The following FAM227B variants were observed in gnomAD, a reference collection of about 807,000 sequenced individuals.
The protein encoded by FAM227B is family with sequence similarity 227 member B.
Under a neutral mutation model 73.8 loss-of-function variants are expected in FAM227B, and 88 were observed. That is an observed-to-expected ratio of 1.19 (90% CI 1.00 to 1.42). FAM227B has a LOEUF of 1.42. FAM227B is among the 40% of genes most tolerant of loss of function. The pLI, the probability that FAM227B is intolerant of heterozygous loss-of-function variation, is 0.00. For missense variants in FAM227B, 632 were observed against 590.9 expected (o/e 1.07, Z -0.72); for synonymous variants, 210 against 190.5 (o/e 1.10, Z -0.84).
At chr15:49,538,468 T>C (rs1371194331) in intron 10 of FAM227B, among the ~76,000 whole-genome samples, 1 of 152,154 alleles carries the variant, frequency 6.6e-6, no homozygotes. Flanking sequence ...TCTGGTAGGC[T>C]GAGACTTTGG....
chr15:49,512,095 C>T lies in FAM227B; in HGVS notation c.875-3747G>A, dbSNP rs990636548. Among the ~76,000 whole-genome samples, 9 of 151,982 alleles carry T rather than the reference C, an allele frequency of 5.9e-5. No individual in the cohort carries two copies. In the East Asian group the frequency reaches 9.7e-4, roughly 16 times the overall value. On this transcript the variant is annotated intron_variant, in intron 10 of 15. Coordinates refer to ENST00000299338, the MANE Select transcript of FAM227B (RefSeq NM_152647.3). Reference sequence around the variant, plus strand: ...TCAGTTCTGGGGTACATGTGCAGAACATGCAGGTTTGTTACATAGTTACAC... The same window carrying T: ...TCAGTTCTGGGGTACATGTGCAGAATATGCAGGTTTGTTACATAGTTACAC...
chr15:49,562,349 G>GTAA (rs1379611688), intron 9 of FAM227B, among the ~76,000 whole-genome samples: 2 of 151,808 alleles, frequency 1.3e-5, no homozygotes, highest in Admixed American at 6.6e-5. Flanking sequence ...AGTTAAATCA[G>GTAA]TAATAATAAT....
At chr15:49,460,831 A>G (rs917886506) in intron 11 of FAM227B, among the ~76,000 whole-genome samples, 2 of 152,214 alleles carry the variant, frequency 1.3e-5, no homozygotes, top group Non-Finnish European at 2.9e-5. Context: ...TGAGGCAGAT[A>G]TCAAAGAAGA....
At chr15:49,331,617 G>T (rs1017457844) in intron 15 of FAM227B, 163 bp downstream of exon 15, 1 of 567,970 alleles carries the variant, frequency 1.8e-6, no homozygotes, top group Non-Finnish European at 3.1e-6. Context: ...ATGTAAAACA[G>T]ATTTTCTTAC....
intron 3 of FAM227B, among the ~76,000 whole-genome samples, chr15:49,591,029 G>GTTTTTTTTTTTTTTTTTTTTTTTTTTT (rs71424023): frequency 7.6e-5 from 8 of 105,590 alleles, no homozygotes; most frequent in African/African-American, 1.0e-4. Context: ...TCTTTTTTTT[G>GTTTTTTTTTTTTTTTTTTTTTTTTTTT]TTTTTTTTTT....
intron 11 of FAM227B, among the ~76,000 whole-genome samples, chr15:49,469,926 A>C (rs1452982384): frequency 6.6e-6 from 1 of 152,146 alleles, no homozygotes; most frequent in Non-Finnish European, 1.5e-5. Flanking sequence ...ATCCACATCA[A>C]ACCAAAGAAT....
At chr15:49,591,940 T>C (rs894735316) in intron 3 of FAM227B, among the ~76,000 whole-genome samples, 4 of 152,232 alleles carry the variant, frequency 2.6e-5, no homozygotes, top group Non-Finnish European at 5.9e-5. Flanking sequence ...GTTGATTCCA[T>C]ATCTTTCTTC....
At chr15:49,602,031 T>C (rs1360597357) in intron 3 of FAM227B, among the ~76,000 whole-genome samples, 5 of 152,244 alleles carry the variant, frequency 3.3e-5, no homozygotes, top group South Asian at 2.1e-4. Flanking sequence ...ATTCTCTTTA[T>C]ACATTCATCA....
At chr15:49,372,896 C>G (rs886622510) in intron 11 of FAM227B, among the ~76,000 whole-genome samples, 1 of 151,952 alleles carries the variant, frequency 6.6e-6, no homozygotes, top group African/African-American at 2.4e-5. Context: ...GCTTGAAATA[C>G]TAAAGGCAGG....
rs376238996 is a variant in FAM227B, at chr15:49,540,292, G to C, written c.874+1388C>G. 2.6e-5 allele frequency among the ~76,000 whole-genome samples: 4 copies of C among 152,268 alleles called. No individual in the cohort carries two copies. In the South Asian group the frequency reaches 8.3e-4, roughly 32 times the overall value. ...TTGCAGAGCAGGCCACTGGAGACCAGAGTGGTACCTGCCTCATGACTGATT... is the reference window on the plus strand; with the variant it reads ...TTGCAGAGCAGGCCACTGGAGACCACAGTGGTACCTGCCTCATGACTGATT... On this transcript the variant is annotated intron_variant, in intron 10 of 15. Transcript: ENST00000299338.
In FAM227B at chr15:49,477,725, G is replaced by A. The variant is rs1194849194; in HGVS notation, c.1012+30486C>T. ...ATGACTGCTGGATTATATAGTAAGA[G>A]TATGTTTAGTTTTTAAGAAACTGCC... On this transcript the variant is annotated intron_variant, in intron 11 of 15. Coordinates refer to ENST00000299338, the MANE Select transcript of FAM227B (RefSeq NM_152647.3). 1.3e-5 allele frequency among the ~76,000 whole-genome samples: 2 copies of A among 152,192 alleles called. 1 individual carries two copies.
At chr15:49,611,593 G>C (rs2077922075) in intron 2 of FAM227B, among the ~76,000 whole-genome samples, 1 of 152,074 alleles carries the variant, frequency 6.6e-6, no homozygotes, top group African/African-American at 2.4e-5. Context: ...ATCATGGATA[G>C]CCTCTATAAT....
intron 9 of FAM227B, among the ~76,000 whole-genome samples, chr15:49,555,379 C>T (rs1321600717): frequency 1.3e-5 from 2 of 152,170 alleles, no homozygotes; most frequent in African/African-American, 4.8e-5. Flanking sequence ...ATATAGGCTG[C>T]CAGTCTCTTC....
intron 3 of FAM227B, among the ~76,000 whole-genome samples, chr15:49,610,635 C>T (rs950810147): frequency 1.3e-5 from 2 of 151,986 alleles, no homozygotes; most frequent in Admixed American, 6.6e-5. Context: ...GTTTTCTATA[C>T]TGACATCTTT....
intron 11 of FAM227B, among the ~76,000 whole-genome samples, chr15:49,379,113 G>A (rs760328379): frequency 5.9e-5 from 9 of 152,176 alleles, no homozygotes; most frequent in African/African-American, 1.7e-4. Flanking sequence ...ATTTGCATAT[G>A]TTGAACCATC....
chr15:49,502,932 G>A (rs1400709164), intron 11 of FAM227B, among the ~76,000 whole-genome samples: 1 of 152,018 alleles, frequency 6.6e-6, no homozygotes, highest in East Asian at 1.9e-4. Context: ...ACAAAATCTG[G>A]TTGTTTAAAA....
intron 11 of FAM227B, among the ~76,000 whole-genome samples, 171 bp from the exon 12 acceptor site, chr15:49,371,570 T>A (rs1395294585): frequency 6.6e-6 from 1 of 151,954 alleles, no homozygotes; most frequent in Non-Finnish European, 1.5e-5. Flanking sequence ...GAAATAAATA[T>A]TTCATATTTT....
chr15:49,339,800 CT>C lies in FAM227B; in HGVS notation c.1272-4305del, dbSNP rs1239767514. Among the ~76,000 whole-genome samples, 9 of 152,260 alleles carry C rather than the reference CT, an allele frequency of 5.9e-5. No individual in the cohort carries two copies. The South Asian group carries it at 8.3e-4, about 14-fold the overall frequency. The stretch of plus-strand genomic sequence containing the variant: ...ATAAGTCCCTGATTGGGGCTGGTGC[CT>C]TTTTTTCAGAGATGCCCTGCCCGTA... On this transcript the variant is annotated intron_variant, in intron 13 of 15. Coordinates refer to ENST00000299338, the MANE Select transcript of FAM227B (RefSeq NM_152647.3).
chr15:49,416,501 C>T (rs573025661), intron 11 of FAM227B, among the ~76,000 whole-genome samples: 4 of 151,930 alleles, frequency 2.6e-5, no homozygotes, highest in African/African-American at 4.8e-5. Flanking sequence ...ATTTGAAGTC[C>T]GAGTCAGAAC....
Sources: gnomAD v4.1 joint callset for allele counts (sites outside exome capture counted in the v4.1 genomes callset) on GRCh38, gnomAD v4.1.1 for gene constraint, MANE v1.5 for transcripts, NCBI Gene and HGNC (gene_info 2026-07-23, HGNC 2026-07-21) for gene names.